The following LRP1B variants were observed in gnomAD, a reference collection of about 807,000 sequenced individuals.
LRP1B encodes the protein low-density lipoprotein receptor-related protein 1B.
Under a neutral mutation model 556.6 loss-of-function variants are expected in LRP1B, and 217 were observed. That is an observed-to-expected ratio of 0.39 (90% CI 0.35 to 0.44). The LOEUF (loss-of-function observed/expected upper bound fraction) is 0.44. Ranked by LOEUF, LRP1B falls within the 20% of genes least tolerant of loss-of-function variation. LRP1B has a pLI of 1.00. For synonymous variants in LRP1B, 2,047 were observed against 1,865.8 expected (o/e 1.10, Z -2.50); for missense variants, 5,053 against 5,620.8 (o/e 0.90, Z 3.23).
At chr2:141,031,512 C>T (rs1158576308) in intron 11 of LRP1B, among the ~76,000 whole-genome samples, 5 of 151,772 alleles carry the variant, frequency 3.3e-5, no homozygotes, top group African/African-American at 1.2e-4. Flanking sequence ...ATTTTATAAT[C>T]TTCTGGGTAG....
chr2:142,060,888 G>A (rs1201583653), intron 1 of LRP1B, among the ~76,000 whole-genome samples: 1 of 151,960 alleles, frequency 6.6e-6, no homozygotes, highest in Non-Finnish European at 1.5e-5. Flanking sequence ...TATGAGGCAT[G>A]AAAGCATAAC....
intron 83 of LRP1B, among the ~76,000 whole-genome samples, chr2:140,302,686 C>T (rs975091651): frequency 3.3e-5 from 5 of 151,966 alleles, no homozygotes; most frequent in Non-Finnish European, 7.4e-5. Context: ...ATTGAAGGCC[C>T]AAATAGAATA....
chr2:141,290,488 T>A (rs1685900612), intron 3 of LRP1B, among the ~76,000 whole-genome samples: 1 of 152,124 alleles, frequency 6.6e-6, no homozygotes, highest in African/African-American at 2.4e-5. Context: ...TATTGTAAAG[T>A]AGGAGGCTAT....
chr2:140,617,175 CTCTTT>C (rs1022218563), intron 41 of LRP1B, among the ~76,000 whole-genome samples: 2 of 151,832 alleles, frequency 1.3e-5, no homozygotes, highest in South Asian at 2.1e-4. Context: ...TACTTGATTG[CTCTTT>C]TCTTTTTCTT....
At position 140,700,521 on chromosome 2, in the gene LRP1B, T is replaced by C; in HGVS notation, c.6528A>G (p.Ala2176=). ...GCCTCAGGCAAGTAACTCCATCTTC[T>C]GCCAAATATCCATGGGCACAAGCAC... is the stretch of plus-strand genomic sequence containing the variant. ...RTCACAHGYL[A]EDGVTCLRHE... Residue 2176 remains alanine, a synonymous_variant, in exon 41 of 91, where the codon GCA becomes GCG. Coordinates refer to ENST00000389484, the MANE Select transcript of LRP1B (RefSeq NM_018557.3). 2 of 1,613,550 alleles carry C rather than the reference T, an allele frequency of 1.2e-6. No individual in the cohort carries two copies. Among genetic ancestry groups the C allele is most frequent in the Non-Finnish European group, 1.7e-6 (2 of 1,179,678 alleles).
intron 25 of LRP1B, among the ~76,000 whole-genome samples, chr2:140,868,821 G>T (rs1235834062): frequency 6.6e-6 from 1 of 152,052 alleles, no homozygotes; most frequent in South Asian, 2.1e-4. Context: ...GGCCTTTGGT[G>T]GCTTTTAAGT....
At chr2:140,482,698 A>G (rs1558912863) in intron 59 of LRP1B, among the ~76,000 whole-genome samples, 1 of 152,184 alleles carries the variant, frequency 6.6e-6, no homozygotes, top group Non-Finnish European at 1.5e-5. Flanking sequence ...ACATACTGTT[A>G]TTAAAATGAA....
At position 141,089,610 on chromosome 2, in the gene LRP1B, C is replaced by T. The variant is rs140739414; in HGVS notation, c.1014-27337G>A. On this transcript the variant is annotated intron_variant, in intron 7 of 90. Transcript: ENST00000389484. ...ATTGGATCTAGGTTTAGCATGCTAC[C>T]ACTGTGCATAACTGGGGTGCATCCC... Among the ~76,000 whole-genome samples the T allele has an allele frequency of 2.1e-3, 313 of 152,226 alleles. 2 individuals carry two copies. The highest frequency in any genetic ancestry group is 6.2e-3 in the African/African-American group (259 of 41,526).
intron 2 of LRP1B, among the ~76,000 whole-genome samples, chr2:141,743,978 T>C (rs1471799539): frequency 6.6e-6 from 1 of 151,862 alleles, no homozygotes; most frequent in African/African-American, 2.4e-5. Flanking sequence ...TATATTGTTT[T>C]ATTTCAATTT....
At chr2:141,186,812 G>A (rs763617679) in intron 7 of LRP1B, among the ~76,000 whole-genome samples, 6 of 152,026 alleles carry the variant, frequency 3.9e-5, no homozygotes, top group African/African-American at 1.2e-4. Flanking sequence ...GTATATTGTT[G>A]TTCAGAAAGA....
At chr2:141,696,207 G>C (rs530474894) in intron 2 of LRP1B, among the ~76,000 whole-genome samples, 116 of 151,960 alleles carry the variant, frequency 7.6e-4, no homozygotes, top group African/African-American at 2.6e-3. Context: ...GCTACTAAAA[G>C]TAGGCTTAGA....
chr2:140,259,666 G>A (rs1681846507), intron 86 of LRP1B, among the ~76,000 whole-genome samples: 2 of 151,988 alleles, frequency 1.3e-5, no homozygotes, highest in African/African-American at 2.4e-5. Context: ...ATTACATGGA[G>A]AATACATGCG....
At chr2:140,264,597 C>A (rs1223499114) in intron 86 of LRP1B, among the ~76,000 whole-genome samples, 2 of 151,994 alleles carry the variant, frequency 1.3e-5, no homozygotes, top group East Asian at 3.9e-4. Context: ...TCTCCAAATA[C>A]AGTCCCATTC....
rs1213491141 is a variant in LRP1B, at chr2:140,328,008, GGAATCA to G, written c.12224-2136_12224-2131del. Among the ~76,000 whole-genome samples, 5 of 151,908 alleles carry G rather than the reference GGAATCA, an allele frequency of 3.3e-5. No homozygotes were observed. In the East Asian group the frequency reaches 7.8e-4, roughly 24 times the overall value. ...TCTTCTAAATTAAAAAGTTAATAAA[GGAATCA>G]ACTAACTTTTCCTGTTACAGAGATG... On this transcript the variant is annotated intron_variant, in intron 79 of 90. Coordinates refer to ENST00000389484, the MANE Select transcript of LRP1B (RefSeq NM_018557.3).
At chr2:141,608,093 G>A in intron 2 of LRP1B, among the ~76,000 whole-genome samples, 1 of 151,912 alleles carries the variant, frequency 6.6e-6, no homozygotes, top group Non-Finnish European at 1.5e-5. Context: ...GTGTGGTGGT[G>A]CATGCCTGTA....
chr2:140,647,518 G>C (rs1684526513), intron 41 of LRP1B, among the ~76,000 whole-genome samples: 1 of 152,056 alleles, frequency 6.6e-6, no homozygotes, highest in Non-Finnish European at 1.5e-5. Flanking sequence ...ACAATCATCA[G>C]ATCAGCAGGC....
At chr2:140,313,244 CATTACTAATGAGAACTAATTTAT>C (rs1175150265) in intron 83 of LRP1B, among the ~76,000 whole-genome samples, 1 of 151,870 alleles carries the variant, frequency 6.6e-6, no homozygotes, top group Non-Finnish European at 1.5e-5. Flanking sequence ...AACTAATTTA[CATTACTAATGAGAACTAATTTAT>C]ATTATTTAAA....
chr2:141,635,419 CA>C (rs34596705), intron 2 of LRP1B, among the ~76,000 whole-genome samples: 17,257 of 151,600 alleles, frequency 0.11, 1,126 homozygotes, highest in African/African-American at 0.17. Flanking sequence ...TGGAGAAATA[CA>C]AAAAAAAGTC....
At chr2:140,483,561 AAT>A (rs755904936) in intron 59 of LRP1B, among the ~76,000 whole-genome samples, 112 of 141,624 alleles carry the variant, frequency 7.9e-4, no homozygotes, top group South Asian at 5.6e-3. Flanking sequence ...CAGACACTCA[AAT>A]ATATATATAT....
Sources: allele counts gnomAD v4.1 joint callset (sites outside exome capture counted in the v4.1 genomes callset), GRCh38; gene constraint gnomAD v4.1.1; transcripts MANE v1.5; gene names NCBI Gene and HGNC (gene_info 2026-07-23, HGNC 2026-07-21).